MIF: variants seen among roughly 807,000 people sequenced by gnomAD.
The protein encoded by MIF is L-dopachrome isomerase.
A neutral mutation model predicts 11.3 loss-of-function variants in MIF; 16 were observed. The ratio of observed to expected loss-of-function variants is 1.42; its 90% CI spans 0.96 to 2.16. MIF has a LOEUF of 2.16. Ranked by LOEUF, MIF falls within the 30% of genes most tolerant of loss-of-function variation. MIF has a pLI of 0.00. For missense variants in MIF, 229 were observed against 165.3 expected, an observed-to-expected ratio of 1.39 and a Z score of -2.11; for synonymous variants, 83 against 74.2, an observed-to-expected ratio of 1.12 and a Z score of -0.61.
At chr22:23,894,662 G>A in intron 1 of MIF, 80 bp downstream of exon 1, 1 of 1,235,884 alleles carries the variant, frequency 8.1e-7, no homozygotes, top group Non-Finnish European at 1.1e-6. Context: ...GGCGACTCCT[G>A]AACGGAGCTG....
Position 23,894,960 on chromosome 22 carries a change from GA to G in MIF, c.281+17del, listed in dbSNP as rs2146164378. The G allele has an allele frequency of 3.9e-6, 6 of 1,549,332 alleles. No homozygotes were observed. The highest frequency in any genetic ancestry group is 4.4e-6 in the Non-Finnish European group (5 of 1,146,352). ...GCCCGGACAGGTACGCGGAGTCGCG[GA>G]GGGGCGGGGGAGGGGCGGCGGCGCG... is the stretch of plus-strand genomic sequence containing the variant. On this transcript the variant is annotated intron_variant, in intron 2 of 2. Coordinates refer to ENST00000215754, the MANE Select transcript of MIF (RefSeq NM_002415.2).
Position 23,894,938 on chromosome 22 carries a change from C to A in MIF, c.275C>A (p.Pro92Gln). The A allele has an allele frequency of 6.4e-7, 1 of 1,552,930 alleles. No homozygotes were observed. The highest frequency in any genetic ancestry group is 8.7e-7 in the Non-Finnish European group (1 of 1,148,766). Reference sequence around the variant, plus strand: ...CTGGCCGAGCGCCTGCGCATCAGCCCGGACAGGTACGCGGAGTCGCGGAGG... The same window carrying A: ...CTGGCCGAGCGCCTGCGCATCAGCCAGGACAGGTACGCGGAGTCGCGGAGG... Reference protein sequence around the residue: ...GLLAERLRISPDRVYINYYDM... With the variant: ...GLLAERLRISQDRVYINYYDM... The change falls in exon 2 of 3, where the codon CCG becomes CAG. Residue 92 changes from proline (P) to glutamine (Q), a missense_variant. Transcript: ENST00000215754.
rs771926589 is a variant in MIF, at chr22:23,894,443, C to T, written c.-32C>T. 1.3e-6 allele frequency: 2 copies of T among 1,569,480 alleles called. No homozygotes were observed. Among genetic ancestry groups the T allele is most frequent in the Non-Finnish European group, 1.8e-6 (2 of 1,141,406 alleles). On this transcript the variant is annotated 5_prime_UTR_variant, in exon 1 of 3. Transcript: ENST00000215754. ...GCGGCCGCGGCGCGTGCGTCTGTGC[C>T]TCTGCGCGGGTCTCCTGGTCCTTCT...
intron 1 of MIF, 50 bp from the exon 2 acceptor site, chr22:23,894,721 CG>C: frequency 6.8e-7 from 1 of 1,479,246 alleles, no homozygotes; most frequent in East Asian, 2.5e-5. Flanking sequence ...AGTGGACGTT[CG>C]GGGCCCGACG....
Position 23,894,957 on chromosome 22 carries a change from G to C in MIF, c.281+13G>C. On this transcript the variant is annotated intron_variant, in intron 2 of 2. Coordinates refer to ENST00000215754, the MANE Select transcript of MIF (RefSeq NM_002415.2). ...TCAGCCCGGACAGGTACGCGGAGTC[G>C]CGGAGGGGCGGGGGAGGGGCGGCGG... is the stretch of plus-strand genomic sequence containing the variant. 1.3e-6 allele frequency: 2 copies of C among 1,549,724 alleles called. No homozygotes were observed. The highest frequency in any genetic ancestry group is 1.7e-6 in the Non-Finnish European group (2 of 1,146,688).
Position 23,894,442 on chromosome 22 carries a change from C to T in MIF, c.-33C>T. ...GGCGGCCGCGGCGCGTGCGTCTGTG[C>T]CTCTGCGCGGGTCTCCTGGTCCTTC... On this transcript the variant is annotated 5_prime_UTR_variant, in exon 1 of 3. Transcript: ENST00000215754. The T allele has an allele frequency of 6.4e-7, 1 of 1,561,082 alleles. No individual in the cohort carries two copies.
chr22:23,894,667 G>A (rs915399450), intron 1 of MIF, 85 bp downstream of exon 1: 10 of 1,448,686 alleles, frequency 6.9e-6, no homozygotes, highest in Admixed American at 2.1e-5. Flanking sequence ...CTCCTGAACG[G>A]AGCTGGGGGG....
rs1320311342 is a variant in MIF at position 23,895,211 on chromosome 22, G to T, written c.*105G>T. 2 of 1,244,520 alleles carry T rather than the reference G, an allele frequency of 1.6e-6. No individual in the cohort carries two copies. The highest frequency in any genetic ancestry group is 1.2e-6 in the Non-Finnish European group (1 of 867,168). The allele number at this position is 1,244,520 out of a possible 1,614,324, so 77.1% of individuals were successfully genotyped here. A position where few individuals can be genotyped will look rare whatever the true frequency, so the allele number is the denominator to read the frequency against. On this transcript the variant is annotated 3_prime_UTR_variant, in exon 3 of 3. Coordinates refer to ENST00000215754, the MANE Select transcript of MIF (RefSeq NM_002415.2). ...AACCTTCTGGTGGGGAGAAATAAACGGTTTAGAGACTAGGAGTGCCTCGGG... is the reference window on the plus strand; with the variant it reads ...AACCTTCTGGTGGGGAGAAATAAACTGTTTAGAGACTAGGAGTGCCTCGGG...
chr22:23,894,619 C>A (rs1269444147), intron 1 of MIF, 37 bp downstream of exon 1: 1 of 1,592,444 alleles, frequency 6.3e-7, no homozygotes, highest in Non-Finnish European at 8.6e-7. Context: ...GGGGTGCCCA[C>A]CGGACGAGGG....
Position 23,894,434 on chromosome 22 carries a change from C to T in MIF, c.-41C>T, listed in dbSNP as rs200992026. Reference sequence around the variant, plus strand: ...AGCTCAGCGGCGGCCGCGGCGCGTGCGTCTGTGCCTCTGCGCGGGTCTCCT... The same window carrying T: ...AGCTCAGCGGCGGCCGCGGCGCGTGTGTCTGTGCCTCTGCGCGGGTCTCCT... On this transcript the variant is annotated 5_prime_UTR_variant, in exon 1 of 3. Transcript: ENST00000215754. 159 of 1,515,298 alleles carry T rather than the reference C, an allele frequency of 1.0e-4. No homozygotes were observed. The highest frequency in any genetic ancestry group is 1.3e-4 in the Non-Finnish European group (143 of 1,092,662). 93.9% of individuals were successfully genotyped at this position (1,515,298 alleles called of 1,614,324 possible). A position where few individuals can be genotyped will look rare whatever the true frequency, so the allele number is the denominator to read the frequency against.
chr22:23,895,067 C>A lies in MIF; in HGVS notation c.309C>A (p.Asn103Lys). ...TCTACATCAACTATTACGACATGAA[C>A]GCGGCCAATGTGGGCTGGAACAACT... The part of the protein sequence containing the change: ...DRVYINYYDM[N>K]AANVGWNNST... The change falls in exon 3 of 3, where the codon AAC (asparagine) becomes AAA (lysine). Residue 103 changes from asparagine to lysine, a missense_variant. Physicochemically the swap from Asn to Lys is moderately conservative, Grantham distance 94. Transcript: ENST00000215754. 6.4e-7 allele frequency: 1 copy of A among 1,558,964 alleles called. No homozygotes were observed. Among genetic ancestry groups the A allele is most frequent in the Non-Finnish European group, 8.7e-7 (1 of 1,150,934 alleles).
intron 1 of MIF, 73 bp from the exon 2 acceptor site, chr22:23,894,699 G>C (rs1400504550): frequency 6.8e-7 from 1 of 1,473,236 alleles, no homozygotes; most frequent in African/African-American, 1.4e-5. Context: ...GAGGACGGTG[G>C]CTCGGGCCCG....
Position 23,895,143 on chromosome 22 carries a change from C to T in MIF, c.*37C>T. 2.6e-6 allele frequency: 4 copies of T among 1,543,812 alleles called. No individual in the cohort carries two copies. Among genetic ancestry groups the T allele is most frequent in the Non-Finnish European group, 2.6e-6 (3 of 1,140,044 alleles). ...ACCCACGCTGTCTGCGCTGGCTCCA[C>T]CCGGGAACCCGCCGCACGCTGTGTT... On this transcript the variant is annotated 3_prime_UTR_variant, in exon 3 of 3. Coordinates refer to ENST00000215754, the MANE Select transcript of MIF (RefSeq NM_002415.2).
At chr22:23,894,627 G>A (rs776904779) in intron 1 of MIF, 45 bp downstream of exon 1, 15 of 1,582,596 alleles carry the variant, frequency 9.5e-6, no homozygotes, top group Non-Finnish European at 1.3e-5. Context: ...CACCGGACGA[G>A]GGGTTCCGCG....
Position 23,895,162 on chromosome 22 carries a change from C to G in MIF, c.*56C>G, listed in dbSNP as rs548015679. On this transcript the variant is annotated 3_prime_UTR_variant, in exon 3 of 3. Transcript: ENST00000215754. ...GCTCCACCCGGGAACCCGCCGCACG[C>G]TGTGTTCTAGGCCCGCCCACCCCAA... 29 of 1,523,556 alleles carry G rather than the reference C, an allele frequency of 1.9e-5. No individual in the cohort carries two copies. The African/African-American group carries it at 3.4e-4, about 18-fold the overall frequency. The allele number at this position is 1,523,556 out of a possible 1,614,324, so 94.4% of individuals were successfully genotyped here. A position where few individuals can be genotyped will look rare whatever the true frequency, so the allele number is the denominator to read the frequency against.
intron 2 of MIF, 41 bp from the exon 3 acceptor site, chr22:23,894,999 G>A (rs1283807477): frequency 6.5e-7 from 1 of 1,541,650 alleles, no homozygotes; most frequent in Non-Finnish European, 8.8e-7. Context: ...GCCAGGCCCG[G>A]GACTGAGCCA....
At position 23,895,087 on chromosome 22, in the gene MIF, A is replaced by G; in HGVS notation, c.329A>G (p.Asn110Ser). 6.4e-7 allele frequency: 1 copy of G among 1,558,454 alleles called. No individual in the cohort carries two copies. Among genetic ancestry groups the G allele is most frequent in the Non-Finnish European group, 8.7e-7 (1 of 1,150,742 alleles). The change falls in exon 3 of 3, where the codon AAC becomes AGC. Residue 110 changes from asparagine (N) to serine (S), a missense_variant. Physicochemically the swap from Asn to Ser is conservative, Grantham distance 46. Transcript: ENST00000215754. ...YDMNAANVGW[N>S]NSTFA The stretch of plus-strand genomic sequence containing the variant: ...ATGAACGCGGCCAATGTGGGCTGGA[A>G]CAACTCCACCTTCGCCTAAGAGCCG...
At chr22:23,894,736 T>G in intron 1 of MIF, 36 bp from the exon 2 acceptor site, 2 of 1,488,298 alleles carry the variant, frequency 1.3e-6, no homozygotes, top group Admixed American at 2.2e-5. Context: ...CCCGACGAGG[T>G]CGCTGGGGCG....
In MIF at chr22:23,894,441, G is replaced by A. The variant is rs202123293; in HGVS notation, c.-34G>A. On this transcript the variant is annotated 5_prime_UTR_variant, in exon 1 of 3. Coordinates refer to ENST00000215754, the MANE Select transcript of MIF (RefSeq NM_002415.2). Reference sequence around the variant, plus strand: ...CGGCGGCCGCGGCGCGTGCGTCTGTGCCTCTGCGCGGGTCTCCTGGTCCTT... The same window carrying A: ...CGGCGGCCGCGGCGCGTGCGTCTGTACCTCTGCGCGGGTCTCCTGGTCCTT... 17 of 1,555,136 alleles carry A rather than the reference G, an allele frequency of 1.1e-5. 1 individual carries two copies. In the South Asian group the frequency reaches 1.1e-4, roughly 10 times the overall value.
Sources: gnomAD v4.1 joint callset for allele counts on GRCh38, gnomAD v4.1.1 for gene constraint, MANE v1.5 for transcripts, NCBI Gene and HGNC (gene_info 2026-07-23, HGNC 2026-07-21) for gene names.